NLGN1: variants seen among roughly 807,000 people sequenced by gnomAD.
The protein encoded by NLGN1 is neuroligin-1.
Under a neutral mutation model 65.5 loss-of-function variants are expected in NLGN1, and 12 were observed. The observed-to-expected ratio is 0.18, with a 90% CI of 0.12 to 0.30. The LOEUF is 0.30. Ranked by LOEUF, NLGN1 falls within the 10% of genes least tolerant of loss-of-function variation. The pLI is 1.00. For missense variants in NLGN1, 750 were observed against 1,007.1 expected (o/e 0.74, Z 3.46); for synonymous variants, 350 against 359.5 (o/e 0.97, Z 0.30).
At chr3:174,206,495 C>T (rs13079182) in intron 4 of NLGN1, among the ~76,000 whole-genome samples, 1 of 152,176 alleles carries the variant, frequency 6.6e-6, no homozygotes, top group East Asian at 1.9e-4. Context: ...GACCTCTCAT[C>T]CCTGCTGTCC....
intron 4 of NLGN1, among the ~76,000 whole-genome samples, chr3:174,204,557 T>C (rs1735062243): frequency 1.3e-5 from 2 of 152,092 alleles, no homozygotes; most frequent in African/African-American, 4.8e-5. Context: ...AGGGTTGGGG[T>C]TTTTTGATAA....
chr3:173,594,586 G>C (rs1003882305), intron 2 of NLGN1, among the ~76,000 whole-genome samples: 1 of 152,208 alleles, frequency 6.6e-6, no homozygotes, highest in Non-Finnish European at 1.5e-5. Context: ...ACCATTCTGG[G>C]ATCTGGAGGA....
chr3:173,644,926 C>A (rs1050069257), intron 3 of NLGN1, among the ~76,000 whole-genome samples: 2 of 152,206 alleles, frequency 1.3e-5, no homozygotes, highest in African/African-American at 2.4e-5. Flanking sequence ...GTCAAGGCAG[C>A]AGAGGAACAT....
intron 4 of NLGN1, among the ~76,000 whole-genome samples, chr3:174,102,152 C>G (rs1712659204): frequency 6.6e-6 from 1 of 152,130 alleles, no homozygotes; most frequent in Admixed American, 6.6e-5. Context: ...ATTCTTTTCA[C>G]TGACAAATGT....
At chr3:174,134,812 G>A (rs546383813) in intron 4 of NLGN1, among the ~76,000 whole-genome samples, 2 of 152,302 alleles carry the variant, frequency 1.3e-5, no homozygotes, top group Non-Finnish European at 2.9e-5. Flanking sequence ...GGAGACACAA[G>A]TGGGTGCCCA....
chr3:173,860,184 A>G (rs774652846), intron 4 of NLGN1, among the ~76,000 whole-genome samples: 5 of 152,014 alleles, frequency 3.3e-5, no homozygotes, highest in African/African-American at 9.6e-5. Context: ...TTTTTTCATT[A>G]AGTAATTAAC....
chr3:173,712,621 T>C (rs1769165078), intron 3 of NLGN1, among the ~76,000 whole-genome samples: 1 of 152,138 alleles, frequency 6.6e-6, no homozygotes, highest in Admixed American at 6.6e-5. Context: ...TAATATTAAA[T>C]GAGTTAATAC....
intron 4 of NLGN1, among the ~76,000 whole-genome samples, chr3:173,856,567 T>C (rs1426570569): frequency 6.6e-6 from 1 of 152,104 alleles, no homozygotes; most frequent in Non-Finnish European, 1.5e-5. Flanking sequence ...TTAGGAGCTA[T>C]CGTCCAGCAA....
intron 1 of NLGN1, among the ~76,000 whole-genome samples, chr3:173,415,749 AG>A (rs1713569434): frequency 6.6e-6 from 1 of 152,232 alleles, no homozygotes; most frequent in Non-Finnish European, 1.5e-5. Flanking sequence ...TAGTAGAGTC[AG>A]AAATTGGATG....
At chr3:173,447,442 G>T (rs549005955) in intron 2 of NLGN1, among the ~76,000 whole-genome samples, 41 of 152,302 alleles carry the variant, frequency 2.7e-4, no homozygotes, top group Non-Finnish European at 4.6e-4. Context: ...TTTGGTACCA[G>T]TACCAGGCTG....
intron 4 of NLGN1, among the ~76,000 whole-genome samples, chr3:173,892,806 T>G (rs1009730380): frequency 6.6e-6 from 1 of 152,146 alleles, no homozygotes; most frequent in Non-Finnish European, 1.5e-5. Flanking sequence ...AAGTGAGGCA[T>G]GCCAGAGAGG....
chr3:173,525,930 A>G (rs1735571660), intron 2 of NLGN1, among the ~76,000 whole-genome samples: 1 of 152,030 alleles, frequency 6.6e-6, no homozygotes. Context: ...TCTGGTATTC[A>G]TTTCTAATTT....
At chr3:173,578,514 A>C (rs1157186718) in intron 2 of NLGN1, among the ~76,000 whole-genome samples, 1 of 152,180 alleles carries the variant, frequency 6.6e-6, no homozygotes, top group Non-Finnish European at 1.5e-5. Flanking sequence ...GAACTATAGA[A>C]CATTAATTTT....
At chr3:173,544,878 G>A (rs1739509526) in intron 2 of NLGN1, among the ~76,000 whole-genome samples, 1 of 152,088 alleles carries the variant, frequency 6.6e-6, no homozygotes, top group South Asian at 2.1e-4. Context: ...AAGAACGGGA[G>A]GGAGAGGTAT....
At chr3:173,621,624 C>G (rs944318301) in intron 3 of NLGN1, among the ~76,000 whole-genome samples, 1 of 151,906 alleles carries the variant, frequency 6.6e-6, no homozygotes, top group Non-Finnish European at 1.5e-5. Flanking sequence ...GGTAATAGCA[C>G]TGTAGTTTAT....
rs180847845 is a variant in NLGN1, at chr3:173,811,822, C to T, written c.646+3990C>T. Reference sequence around the variant, plus strand: ...TTATTTAAGTGATATTGACAAATGTCAAACATGAAAAACATGTTAAGTAAT... The same window carrying T: ...TTATTTAAGTGATATTGACAAATGTTAAACATGAAAAACATGTTAAGTAAT... On this transcript the variant is annotated intron_variant, in intron 4 of 6. Transcript: ENST00000457714. Among the ~76,000 whole-genome samples the T allele has an allele frequency of 8.5e-5, 13 of 152,072 alleles. No homozygotes were observed. In the East Asian group the frequency reaches 2.5e-3, roughly 29 times the overall value.
intron 3 of NLGN1, among the ~76,000 whole-genome samples, chr3:173,687,518 T>C (rs553934364): frequency 9.6e-4 from 146 of 152,256 alleles, no homozygotes; most frequent in Middle Eastern, 6.8e-3. Context: ...TTTTCCTAAA[T>C]GGTAACTTAC....
chr3:173,705,271 T>C (rs2149905917), intron 3 of NLGN1, among the ~76,000 whole-genome samples: 1 of 152,270 alleles, frequency 6.6e-6, no homozygotes, highest in Non-Finnish European at 1.5e-5. Flanking sequence ...CACAGAGAAA[T>C]TTACTTATGG....
rs139307632 is a variant in NLGN1 at position 174,014,488 on chromosome 3, A to T, written c.646+206656A>T. Reference sequence around the variant, plus strand: ...TTTAAATGTTACCACTTTAGGAAGAAAGAATCACCCACCCTCAATGGCTAC... The same window carrying T: ...TTTAAATGTTACCACTTTAGGAAGATAGAATCACCCACCCTCAATGGCTAC... On this transcript the variant is annotated intron_variant, in intron 4 of 6. Coordinates refer to ENST00000457714, the Ensembl canonical transcript of NLGN1. 1.2e-4 allele frequency among the ~76,000 whole-genome samples: 19 copies of T among 152,302 alleles called. No individual in the cohort carries two copies. The East Asian group carries it at 3.3e-3, about 26-fold the overall frequency.
Sources: gnomAD v4.1 joint callset for allele counts (sites outside exome capture counted in the v4.1 genomes callset) on GRCh38, gnomAD v4.1.1 for gene constraint, MANE v1.5 for transcripts, NCBI Gene and HGNC (gene_info 2026-07-23, HGNC 2026-07-21) for gene names.